Variants in NUP160 observed in about 807,000 individuals in gnomAD.
The protein encoded by NUP160 is nuclear pore complex protein Nup160.
Under a neutral mutation model 196.9 loss-of-function variants are expected in NUP160, and 94 were observed. The ratio of observed to expected loss-of-function variants is 0.48; its 90% confidence interval spans 0.40 to 0.57. NUP160 has a LOEUF of 0.57. Among genes scored for constraint, NUP160 ranks in the 20% least tolerant of loss-of-function variants. The probability of loss-of-function intolerance (pLI) is 0.00; values close to 1 mark genes in which losing one functional copy is unlikely to be tolerated. For synonymous variants in NUP160, 605 were observed against 619.7 expected, an observed-to-expected ratio of 0.98 and a Z score of 0.35; for missense variants, 1,638 against 1,748.3, an observed-to-expected ratio of 0.94 and a Z score of 1.13.
intron 29 of NUP160, among the ~76,000 whole-genome samples, chr11:47,791,327 C>T (rs1033075296): frequency 2.0e-5 from 3 of 152,128 alleles, no homozygotes; most frequent in Admixed American, 6.6e-5. Context: ...AGTGACACTT[C>T]GTATGGGTCC....
At position 47,818,549 on chromosome 11, in the gene NUP160, C is replaced by A. The variant is rs189274474; in HGVS notation, c.1363-425G>T. Among the ~76,000 whole-genome samples, 8 of 151,578 alleles carry A rather than the reference C, an allele frequency of 5.3e-5. No homozygotes were observed. The East Asian group carries it at 1.2e-3, about 22-fold the overall frequency. ...TAATAGGTATTATATGCAAACAAAA[C>A]AAAACAAAACAAAACAAACAGCAAT... On this transcript the variant is annotated intron_variant, in intron 10 of 35. Transcript: ENST00000378460.
At chr11:47,780,398 A>G (rs966371468) in exon 35 of NUP160, 2 of 1,613,998 alleles carry the variant, frequency 1.2e-6, no homozygotes, top group Non-Finnish European at 8.5e-7. Context: ...AAGCTGATCA[A>G]TAGAGGAGTA....
intron 34 of NUP160, among the ~76,000 whole-genome samples, chr11:47,782,323 T>A (rs1343947404): frequency 0.17 from 3,357 of 19,544 alleles, 786 homozygotes; most frequent in African/African-American, 0.47. Flanking sequence ...TATATATATA[T>A]ATATATATAT....
intron 2 of NUP160, chr11:47,841,523 T>C (rs554779144): frequency 2.1e-5 from 9 of 420,870 alleles, no homozygotes; most frequent in East Asian, 1.8e-4. Context: ...GGCCACCACA[T>C]GGTCCAACAT....
chr11:47,796,196 C>T, intron 27 of NUP160: 1 of 374,598 alleles, frequency 2.7e-6, no homozygotes, highest in Non-Finnish European at 4.9e-6. Context: ...GAAGCCCAGA[C>T]ACCAGGAAGG....
At chr11:47,794,206 T>C (rs906874743) in intron 27 of NUP160, among the ~76,000 whole-genome samples, 1 of 152,158 alleles carries the variant, frequency 6.6e-6, no homozygotes, top group Non-Finnish European at 1.5e-5. Context: ...TTAAAAATGG[T>C]CAAGATAGCG....
chr11:47,826,957 T>G (rs117337752), intron 7 of NUP160: 3 of 432,162 alleles, frequency 6.9e-6, no homozygotes, highest in African/African-American at 6.2e-5. Flanking sequence ...GTAAAATTAC[T>G]GGTGTCTTAA....
chr11:47,845,921 C>G (rs1483080348), intron 2 of NUP160, among the ~76,000 whole-genome samples: 1 of 152,146 alleles, frequency 6.6e-6, no homozygotes, highest in African/African-American at 2.4e-5. Context: ...CTGCTTGAGT[C>G]TGGCAGTTCA....
chr11:47,847,092 G>A (rs1037943721), intron 2 of NUP160, among the ~76,000 whole-genome samples: 14 of 152,232 alleles, frequency 9.2e-5, no homozygotes, highest in African/African-American at 3.4e-4. Flanking sequence ...TCCAGCCTCA[G>A]TATCTCACAT....
At position 47,801,765 on chromosome 11, in the gene NUP160, T is replaced by C. The variant is rs1429507321; in HGVS notation, c.2895+46A>G. 3 of 1,541,730 alleles carry C rather than the reference T, an allele frequency of 1.9e-6. No homozygotes were observed. In the Admixed American group the frequency reaches 5.8e-5, roughly 30 times the overall value. On this transcript the variant is annotated intron_variant, in intron 23 of 35. Transcript: ENST00000378460. ...ATAGCAAAGCAATGTATTTCAGATG[T>C]GTTTTTACACAGGGTGGTATAAGGC...
At position 47,841,347 on chromosome 11, in the gene NUP160, T is replaced by C. The variant is rs575327291; in HGVS notation, c.315-759A>G. ...AAATGGGCAGAATTTTCCTTGATCA[T>C]ATTCGTGGTACCTGTCCATTTTCTT... On this transcript the variant is annotated intron_variant, in intron 2 of 35. Coordinates refer to ENST00000378460, the Ensembl canonical transcript of NUP160. The C allele has an allele frequency of 2.0e-4, 74 of 372,064 alleles. 1 individual carries two copies. In the South Asian group the frequency reaches 2.6e-3, roughly 13 times the overall value. The allele number at this position is 372,064 out of a possible 1,614,324, so 23.0% of individuals were successfully genotyped here.
chr11:47,796,961 G>C (rs114097859), intron 27 of NUP160, among the ~76,000 whole-genome samples: 5,083 of 152,194 alleles, frequency 0.033, 284 homozygotes, highest in African/African-American at 0.12. Context: ...CTCAAGTACT[G>C]GGATTACAGG....
intron 28 of NUP160, 102 bp downstream of exon 28, chr11:47,792,684 C>T: frequency 8.8e-7 from 1 of 1,136,546 alleles, no homozygotes. Context: ...AATTGTAAAT[C>T]AAAAGAAGCA....
At chr11:47,779,786 G>A (rs186494203) in intron 35 of NUP160, among the ~76,000 whole-genome samples, 115 of 152,264 alleles carry the variant, frequency 7.6e-4, no homozygotes, top group African/African-American at 2.7e-3. Flanking sequence ...GGAGTGCGGT[G>A]GTGCAATCTT....
At chr11:47,838,636 G>T (rs533056370) in intron 4 of NUP160, among the ~76,000 whole-genome samples, 14 of 151,972 alleles carry the variant, frequency 9.2e-5, no homozygotes, top group African/African-American at 2.4e-4. Context: ...TGAACCTGGG[G>T]GGGGCGGAGG....
chr11:47,830,311 T>C (rs1418847823), intron 7 of NUP160, among the ~76,000 whole-genome samples: 3 of 152,146 alleles, frequency 2.0e-5, no homozygotes, highest in Non-Finnish European at 2.9e-5. Flanking sequence ...GTGATTCCTC[T>C]AAGAACTAAA....
At position 47,783,000 on chromosome 11, in the gene NUP160, T is replaced by C. The variant is rs2135340018; in HGVS notation, c.4116+73A>G. The C allele has an allele frequency of 3.1e-6, 4 of 1,305,448 alleles. No individual in the cohort carries two copies. The East Asian group carries it at 9.4e-5, about 31-fold the overall frequency. The allele number at this position is 1,305,448 out of a possible 1,614,324, so 80.9% of individuals were successfully genotyped here. Reference sequence around the variant, plus strand: ...ATGGTTTCTCATAAATGTTCATCACTTTCAAACCACTGTAAAGTTGAAAAA... The same window carrying C: ...ATGGTTTCTCATAAATGTTCATCACCTTCAAACCACTGTAAAGTTGAAAAA... On this transcript the variant is annotated intron_variant, in intron 34 of 35. Transcript: ENST00000378460.
chr11:47,820,723 T>C (rs1246366950), intron 9 of NUP160, among the ~76,000 whole-genome samples: 2 of 152,068 alleles, frequency 1.3e-5, no homozygotes, highest in Non-Finnish European at 2.9e-5. Flanking sequence ...GGCTAATTTT[T>C]GTATTTTTAG....
intron 7 of NUP160, among the ~76,000 whole-genome samples, chr11:47,825,448 T>G (rs1411614030): frequency 6.8e-6 from 1 of 147,982 alleles, no homozygotes; most frequent in African/African-American, 2.5e-5. Context: ...CCCAGCTAAT[T>G]TTTGCCTTTT....
Sources: allele counts gnomAD v4.1 joint callset (sites outside exome capture counted in the v4.1 genomes callset), GRCh38; gene constraint gnomAD v4.1.1; transcripts MANE v1.5; gene names NCBI Gene and HGNC (gene_info 2026-07-23, HGNC 2026-07-21).